PLD5: variants seen among roughly 807,000 people sequenced by gnomAD.
The protein encoded by PLD5 is phospholipase D family member 5, also known as inactive phospholipase D5.
A neutral mutation model predicts 61.1 loss-of-function variants in PLD5; 36 were observed. That is an observed-to-expected ratio of 0.59 (90% confidence interval 0.45 to 0.78). PLD5 has a LOEUF of 0.78. PLD5 is among the 30% of genes least tolerant of loss of function. The pLI is 0.00. For synonymous variants in PLD5, 243 were observed against 242.8 expected (o/e 1.00, Z -0.01); for missense variants, 515 against 644.4 (o/e 0.80, Z 2.17).
intron 1 of PLD5, among the ~76,000 whole-genome samples, chr1:242,375,950 A>G (rs539537952): frequency 6.6e-6 from 1 of 152,320 alleles, no homozygotes; most frequent in African/African-American, 2.4e-5. Flanking sequence ...AACTCTTTTG[A>G]CAGCAAAGGG....
chr1:242,409,549 G>A (rs1333612584), intron 1 of PLD5, among the ~76,000 whole-genome samples: 1 of 152,148 alleles, frequency 6.6e-6, no homozygotes, highest in Admixed American at 6.5e-5. Context: ...TGCTTTGTGT[G>A]TATGGTTTTA....
At chr1:242,112,346 T>TAGATAGATAGATAGATAGATAGATAG in intron 7 of PLD5, among the ~76,000 whole-genome samples, 1 of 150,500 alleles carries the variant, frequency 6.6e-6, no homozygotes, top group African/African-American at 2.5e-5. Flanking sequence ...TGTGTATATA[T>TAGATAGATAGATAGATAGATAGATAG]ATATATAGAT....
intron 4 of PLD5, among the ~76,000 whole-genome samples, chr1:242,261,665 C>T (rs1673379821): frequency 6.6e-6 from 1 of 152,078 alleles, no homozygotes; most frequent in Non-Finnish European, 1.5e-5. Flanking sequence ...ACAACAATAA[C>T]ACTGGGCAAA....
Position 242,107,707 on chromosome 1 carries a change from C to T in PLD5, c.1203G>A (p.Ala401=), listed in dbSNP as rs577057616. The T allele has an allele frequency of 4.6e-5, 74 of 1,598,224 alleles. 3 individuals are homozygous for T. In the South Asian group the frequency reaches 4.8e-4, roughly 10 times the overall value. ...TGCAGTTGGCTATTTCAGTGCAAAT[C>T]GCTTTAAGAGATGAAATAAAGTTAA... ...LTFNFISSLK[A]ICTEIANCSL... The change falls in exon 8 of 10, where the codon GCG becomes GCA. Residue 401 remains alanine, a synonymous_variant. Coordinates refer to ENST00000536534, the MANE Select transcript of PLD5 (RefSeq NM_001372062.1).
chr1:242,500,133 G>T (rs905583), intron 1 of PLD5, among the ~76,000 whole-genome samples: 12,161 of 152,156 alleles, frequency 0.08, 1,225 homozygotes, highest in African/African-American at 0.24. Context: ...TGTAGCTTTT[G>T]TCATAGTACA....
chr1:242,494,878 C>CTTTTCT (rs556893161), intron 1 of PLD5, among the ~76,000 whole-genome samples: 6 of 135,890 alleles, frequency 4.4e-5, no homozygotes, highest in African/African-American at 1.7e-4. Flanking sequence ...TTTTTCTTTT[C>CTTTTCT]TGTTTTTTTT....
intron 1 of PLD5, among the ~76,000 whole-genome samples, chr1:242,384,540 G>A (rs561102326): frequency 6.6e-6 from 1 of 152,284 alleles, no homozygotes; most frequent in Non-Finnish European, 1.5e-5. Flanking sequence ...TCTTCCTTTG[G>A]GATATGCCTT....
intron 1 of PLD5, among the ~76,000 whole-genome samples, chr1:242,386,498 C>G (rs1662609185): frequency 6.6e-6 from 1 of 152,156 alleles, no homozygotes; most frequent in South Asian, 2.1e-4. Flanking sequence ...AACCTGAACC[C>G]AGTCCAGTCT....
At chr1:242,211,707 A>G (rs1669833498) in intron 5 of PLD5, among the ~76,000 whole-genome samples, 1 of 152,188 alleles carries the variant, frequency 6.6e-6, no homozygotes, top group Non-Finnish European at 1.5e-5. Flanking sequence ...CAAAAGGATC[A>G]CGATGGACCC....
intron 3 of PLD5, among the ~76,000 whole-genome samples, chr1:242,284,346 A>G (rs1369908314): frequency 6.6e-6 from 1 of 151,936 alleles, no homozygotes; most frequent in African/African-American, 2.4e-5. Context: ...CATGTTTGCC[A>G]GGCTGGTTTC....
rs564874298 is a variant in PLD5 at position 242,348,180 on chromosome 1, C to T, written c.252G>A (p.Leu84=). The T allele has an allele frequency of 5.3e-4, 855 of 1,613,638 alleles. 13 individuals carry two copies. In the South Asian group the frequency reaches 9.0e-3, roughly 17 times the overall value. Residue 84 remains leucine (L), a synonymous_variant, in exon 2 of 10, where the codon CTG becomes CTA. Transcript: ENST00000536534. ...LVCCFAILVA[L]IFSAVDIMGE... is the part of the protein sequence containing the mutation. ...CCATGATGTCCACGGCTGAAAAGAT[C>T]AGTGCAACCAGAATGGCAAAGCAGC...
At chr1:242,423,367 A>G (rs1331977968) in intron 1 of PLD5, among the ~76,000 whole-genome samples, 1 of 152,064 alleles carries the variant, frequency 6.6e-6, no homozygotes. Context: ...CATGGATAAA[A>G]GTGGGGTGCA....
At chr1:242,469,030 G>A (rs1019870729) in intron 1 of PLD5, among the ~76,000 whole-genome samples, 1 of 152,178 alleles carries the variant, frequency 6.6e-6, no homozygotes, top group Non-Finnish European at 1.5e-5. Context: ...GTCCACAGTC[G>A]TAACTGCCAC....
chr1:242,279,100 G>A (rs1203484478), intron 3 of PLD5, among the ~76,000 whole-genome samples: 2 of 152,208 alleles, frequency 1.3e-5, no homozygotes, highest in Admixed American at 6.5e-5. Context: ...GGATAAATAC[G>A]ATGTGGGTCC....
intron 1 of PLD5, among the ~76,000 whole-genome samples, chr1:242,400,048 A>G (rs919998552): frequency 2.0e-5 from 3 of 152,126 alleles, no homozygotes; most frequent in African/African-American, 7.2e-5. Context: ...GGCGCCTGTA[A>G]TCTCAGCTAC....
chr1:242,119,433 T>C (rs1558240558), intron 6 of PLD5, among the ~76,000 whole-genome samples: 1 of 152,194 alleles, frequency 6.6e-6, no homozygotes, highest in African/African-American at 2.4e-5. Flanking sequence ...CTTGTCTCTA[T>C]AAAAAATCAT....
intron 8 of PLD5, among the ~76,000 whole-genome samples, chr1:242,106,038 G>A (rs78401249): frequency 6.6e-6 from 1 of 152,114 alleles, no homozygotes; most frequent in African/African-American, 2.4e-5. Context: ...AACAACCTTG[G>A]GTCCTTGGTT....
chr1:242,412,795 C>G (rs1011879302), intron 1 of PLD5, among the ~76,000 whole-genome samples: 2 of 152,130 alleles, frequency 1.3e-5, no homozygotes, highest in African/African-American at 4.8e-5. Context: ...GATTTTCATG[C>G]GAATACAAGT....
intron 1 of PLD5, among the ~76,000 whole-genome samples, chr1:242,351,857 A>AATTTTTAT (rs1660495380): frequency 6.6e-6 from 1 of 152,210 alleles, no homozygotes; most frequent in Non-Finnish European, 1.5e-5. Flanking sequence ...ACATTTAGCA[A>AATTTTTAT]CTATATAAAA....
Sources: allele counts gnomAD v4.1 joint callset (sites outside exome capture counted in the v4.1 genomes callset), GRCh38; gene constraint gnomAD v4.1.1; transcripts MANE v1.5; gene names NCBI Gene and HGNC (gene_info 2026-07-23, HGNC 2026-07-21).